Variants in TIGAR observed in about 807,000 individuals in gnomAD.
TIGAR encodes TP53 induced glycolysis regulatory phosphatase.
Under a neutral mutation model 17.9 loss-of-function variants are expected in TIGAR, and 7 were observed. The observed-to-expected ratio is 0.39, with a 90% CI of 0.22 to 0.73. The LOEUF is 0.73. TIGAR is among the 30% of genes least tolerant of loss of function. The pLI is 0.42. For synonymous variants in TIGAR, 94 were observed against 108.6 expected, an observed-to-expected ratio of 0.87 and a Z score of 0.84; for missense variants, 258 against 327.4, an observed-to-expected ratio of 0.79 and a Z score of 1.64.
rs1046833619 is a variant in TIGAR at position 4,354,734 on chromosome 12, T to C, written c.*2043T>C. ...GTTTTTATTTTCTTTGCTTTTTTTC[T>C]TTTTTTTTTTTTTTGGAGACAGAGT... On this transcript the variant is annotated 3_prime_UTR_variant, in exon 6 of 6. Coordinates refer to ENST00000179259, the MANE Select transcript of TIGAR (RefSeq NM_020375.3). The C allele has an allele frequency of 7.7e-6, 1 of 130,298 alleles. No individual in the cohort carries two copies. Among genetic ancestry groups the C allele is most frequent in the African/African-American group, 3.1e-5 (1 of 32,664 alleles). The allele number at this position is 130,298 out of a possible 1,614,324, so 8.1% of individuals were successfully genotyped here. A position where few individuals can be genotyped will look rare whatever the true frequency, so the allele number is the denominator to read the frequency against.
chr12:4,338,432 C>T (rs186599720), intron 3 of TIGAR, among the ~76,000 whole-genome samples: 10 of 152,138 alleles, frequency 6.6e-5, no homozygotes, highest in East Asian at 3.9e-4. Context: ...TAGAGGTCTC[C>T]GTGAGTTAAG....
intron 1 of TIGAR, among the ~76,000 whole-genome samples, chr12:4,327,326 T>A (rs1401278632): frequency 6.6e-6 from 1 of 151,640 alleles, no homozygotes; most frequent in Non-Finnish European, 1.5e-5. Flanking sequence ...GGAGAATCGC[T>A]TGAATCCTGG....
chr12:4,333,150 T>G (rs1210757098), intron 2 of TIGAR, among the ~76,000 whole-genome samples: 1 of 152,238 alleles, frequency 6.6e-6, no homozygotes, highest in African/African-American at 2.4e-5. Context: ...TATAGCTACT[T>G]GAGCTGTTTT....
intron 3 of TIGAR, among the ~76,000 whole-genome samples, chr12:4,340,248 A>G (rs962765186): frequency 1.3e-5 from 2 of 152,354 alleles, no homozygotes; most frequent in African/African-American, 4.8e-5. Flanking sequence ...AATCAGTAGC[A>G]TTTGAATATG....
rs1186296415 is a variant in TIGAR, at chr12:4,357,395, G to A, written c.*4704G>A. On this transcript the variant is annotated 3_prime_UTR_variant, in exon 6 of 6. Transcript: ENST00000179259. ...GAGATGCAAAGGAAAGAAGTATTCA[G>A]TAGAGCGGTGGTGCTGGGCTGAGTA... Among the ~76,000 whole-genome samples the A allele has an allele frequency of 6.6e-6, 1 of 152,206 alleles. No homozygotes were observed. The highest frequency in any genetic ancestry group is 2.4e-5 in the African/African-American group (1 of 41,454).
chr12:4,335,154 C>T (rs1413508721), intron 2 of TIGAR, among the ~76,000 whole-genome samples: 1 of 152,130 alleles, frequency 6.6e-6, no homozygotes, highest in East Asian at 1.9e-4. Context: ...TCTCCTGCCT[C>T]AGCCTTCCAA....
intron 1 of TIGAR, among the ~76,000 whole-genome samples, chr12:4,330,864 A>AT (rs1565446388): frequency 6.6e-6 from 1 of 152,182 alleles, no homozygotes; most frequent in Non-Finnish European, 1.5e-5. Flanking sequence ...TTCCATTCAG[A>AT]TTCTCTTTCA....
chr12:4,347,016 AGAGCTACCAT>A (rs1429344596), intron 3 of TIGAR, among the ~76,000 whole-genome samples: 14 of 152,232 alleles, frequency 9.2e-5, no homozygotes, highest in Non-Finnish European at 1.9e-4. Flanking sequence ...AACTAAAAAT[AGAGCTACCAT>A]GTGATCCAGA....
At chr12:4,337,576 C>T (rs1002857390) in intron 3 of TIGAR, among the ~76,000 whole-genome samples, 2 of 152,138 alleles carry the variant, frequency 1.3e-5, no homozygotes, top group African/African-American at 2.4e-5. Flanking sequence ...CAGACATGAC[C>T]TTCCTCAACA....
chr12:4,339,275 A>G (rs984051400), intron 3 of TIGAR, among the ~76,000 whole-genome samples: 4 of 152,194 alleles, frequency 2.6e-5, no homozygotes, highest in African/African-American at 9.6e-5. Flanking sequence ...ATCAGCAACT[A>G]TATGCCAAAA....
At position 4,322,000 on chromosome 12, in the gene TIGAR, T is replaced by TTA. The variant is rs1038291101; in HGVS notation, c.32+698_32+699insAT. ...TAAGAGCACAGATTTTTATTTTTAT[T>TTA]TTTTTTTTTTTGTGAGATGGAGCCT... On this transcript the variant is annotated intron_variant, in intron 1 of 5. Transcript: ENST00000179259. This position sits in a 1 kb window ranked among gnomAD's most constrained non-coding sequence, Gnocchi z 5.2. Among the ~76,000 whole-genome samples the TTA allele has an allele frequency of 9.5e-5, 11 of 115,208 alleles. No homozygotes were observed. The highest frequency in any genetic ancestry group is 2.7e-4 in the African/African-American group (9 of 33,826). The allele number at this position is 115,208 out of a possible 152,430, so 75.6% of individuals were successfully genotyped here.
At chr12:4,336,924 T>TA (rs1864666398) in intron 2 of TIGAR, 115 bp from the exon 3 acceptor site, 2 of 1,240,668 alleles carry the variant, frequency 1.6e-6, no homozygotes, top group South Asian at 2.3e-5. Context: ...GAAGAGTACT[T>TA]AAAAAATCTT....
chr12:4,339,872 A>T (rs1402454877), intron 3 of TIGAR, among the ~76,000 whole-genome samples: 1 of 152,184 alleles, frequency 6.6e-6, no homozygotes, highest in African/African-American at 2.4e-5. Context: ...ACCCAAAAAC[A>T]ACCTAGGTAC....
intron 3 of TIGAR, among the ~76,000 whole-genome samples, chr12:4,337,987 C>T (rs187117650): frequency 5.7e-4 from 87 of 152,108 alleles, no homozygotes; most frequent in African/African-American, 1.6e-3. Context: ...AAAAATTAGC[C>T]AGGTGTGGTG....
rs140650585 is a variant in TIGAR at position 4,352,686 on chromosome 12, C to T, written c.808C>T (p.Arg270Cys). ...QDHLNGLTETR is the reference protein window; with the variant it reads ...QDHLNGLTETC ...TCATCTAAATGGACTGACTGAAACT[C>T]GCTAAGGTTAAATCTGCATCAAAAT... The change falls in exon 6 of 6, where the codon CGC (arginine) becomes TGC (cysteine). Residue 270 changes from arginine to cysteine, a missense_variant. Coordinates refer to ENST00000179259, the MANE Select transcript of TIGAR (RefSeq NM_020375.3). 2.6e-5 allele frequency: 41 copies of T among 1,598,948 alleles called. No individual in the cohort carries two copies. The highest frequency in any genetic ancestry group is 2.5e-4 in the South Asian group (23 of 90,854).
Position 4,337,052 on chromosome 12 carries a change from T to A in TIGAR, c.84T>A (p.Asp28Glu). Residue 28 changes from aspartate (D) to glutamate (E), a missense_variant, in exon 3 of 6, where the codon GAT (aspartate) becomes GAA (glutamate). Physicochemically the swap from Asp to Glu is conservative, Grantham distance 45 (BLOSUM62 2). Transcript: ENST00000179259. ...AATATATCACAGGACAAGGAGTAGA[T>A]GAACCTCTTTCAGAAACTGGATTTA... ...KEKIIQGQGV[D>E]EPLSETGFKQ... is the part of the protein sequence containing the mutation. 6.2e-7 allele frequency: 1 copy of A among 1,610,578 alleles called. No homozygotes were observed. The highest frequency in any genetic ancestry group is 8.5e-7 in the Non-Finnish European group (1 of 1,176,904).
At chr12:4,336,490 A>ACT (rs1358365061) in intron 2 of TIGAR, among the ~76,000 whole-genome samples, 1 of 146,960 alleles carries the variant, frequency 6.8e-6, no homozygotes, top group Middle Eastern at 3.2e-3. Context: ...ACACACACAC[A>ACT]CACACTCACA....
rs753714896 is a variant in TIGAR, at chr12:4,337,032, A to G, written c.71-7A>G. 6.3e-7 allele frequency: 1 copy of G among 1,598,432 alleles called. No individual in the cohort carries two copies. Among genetic ancestry groups the G allele is most frequent in the African/African-American group, 1.3e-5 (1 of 74,748 alleles). On this transcript the variant is annotated splice_polypyrimidine_tract_variant and splice_region_variant and intron_variant, in intron 2 of 5. Transcript: ENST00000179259. ...ATGTTATTGTTCCTCTTCTTAATATATCACAGGACAAGGAGTAGATGAACC... is the reference window on the plus strand; with the variant it reads ...ATGTTATTGTTCCTCTTCTTAATATGTCACAGGACAAGGAGTAGATGAACC...
intron 3 of TIGAR, among the ~76,000 whole-genome samples, chr12:4,339,129 A>AT (rs1315866859): frequency 2.6e-5 from 4 of 152,166 alleles, no homozygotes; most frequent in Admixed American, 2.0e-4. Context: ...ATAAATTGGT[A>AT]TTTTGAAAAG....
Sources: gnomAD v4.1 joint callset for allele counts (sites outside exome capture counted in the v4.1 genomes callset) on GRCh38, gnomAD v4.1.1 for gene constraint, Gnocchi (gnomAD v3.1) non-coding constraint, MANE v1.5 for transcripts, NCBI Gene and HGNC (gene_info 2026-07-23, HGNC 2026-07-21) for gene names.